The following HLCS variants were observed in gnomAD, a reference collection of about 807,000 sequenced individuals.
HLCS encodes biotin--protein ligase.
A neutral mutation model predicts 75.0 loss-of-function variants in HLCS; 53 were observed. The ratio of observed to expected loss-of-function variants is 0.71; its 90% confidence interval spans 0.57 to 0.89. The LOEUF (loss-of-function observed/expected upper bound fraction) is 0.89. HLCS is among the 40% of genes least tolerant of loss of function. The pLI, the probability that HLCS is intolerant of heterozygous loss-of-function variation, is 0.00. For synonymous variants in HLCS, 431 were observed against 428.6 expected (o/e 1.01, Z -0.07); for missense variants, 966 against 1,074.0 (o/e 0.90, Z 1.41).
At chr21:36,926,289 C>G (rs2066403224) in intron 5 of HLCS, among the ~76,000 whole-genome samples, 1 of 152,230 alleles carries the variant, frequency 6.6e-6, no homozygotes. Context: ...CTCGGAGGCC[C>G]CCACACACCA....
At chr21:36,936,311 C>G in intron 4 of HLCS, 138 bp downstream of exon 4, 2 of 808,924 alleles carry the variant, frequency 2.5e-6, no homozygotes, top group Middle Eastern at 2.2e-4. Context: ...TCAGCAAAAG[C>G]TCCCAGCCAA....
chr21:36,931,672 C>T (rs1299910466), intron 4 of HLCS, among the ~76,000 whole-genome samples: 1 of 151,862 alleles, frequency 6.6e-6, no homozygotes, highest in East Asian at 1.9e-4. Flanking sequence ...TCCCTTGAAC[C>T]CAGGAGGTTG....
chr21:36,897,241 A>G (rs2065051709), intron 5 of HLCS, 110 bp from the exon 6 acceptor site: 1 of 1,065,054 alleles, frequency 9.4e-7, no homozygotes, highest in East Asian at 2.4e-5. Context: ...CTAATTCATG[A>G]CCAAGAAAAG....
At chr21:36,895,221 C>T (rs2064965322) in intron 6 of HLCS, among the ~76,000 whole-genome samples, 1 of 152,176 alleles carries the variant, frequency 6.6e-6, no homozygotes, top group Non-Finnish European at 1.5e-5. Context: ...CTTCACCTCC[C>T]CAAATCTTTT....
intron 6 of HLCS, among the ~76,000 whole-genome samples, chr21:36,780,789 T>G (rs1231339954): frequency 6.6e-6 from 1 of 152,160 alleles, no homozygotes; most frequent in African/African-American, 2.4e-5. Context: ...GATACCTGTT[T>G]CCCTACAGCC....
intron 5 of HLCS, among the ~76,000 whole-genome samples, chr21:36,915,618 G>T (rs990893615): frequency 6.6e-6 from 1 of 152,204 alleles, no homozygotes; most frequent in Admixed American, 6.5e-5. Context: ...GGCTCAGAAG[G>T]TGCATTCGTT....
Position 36,936,692 on chromosome 21 carries a change from G to A in HLCS, c.1194C>T (p.Thr398=), listed in dbSNP as rs149877080. The A allele has an allele frequency of 2.4e-5, 38 of 1,614,216 alleles. No individual in the cohort carries two copies. In the African/African-American group the frequency reaches 3.9e-4, roughly 16 times the overall value. ...GKVLGLSSSF[T]FGGFQVTSKG... ...TGCTTGTCACCTGAAAGCCACCAAA[G>A]GTGAAGGATGAAGACAGGCCCAACA... Residue 398 remains threonine (T), a synonymous_variant, in exon 4 of 11, where the codon ACC becomes ACT. Coordinates refer to ENST00000674895, the MANE Select transcript of HLCS (RefSeq NM_001352514.2).
At chr21:36,759,232 T>C in intron 9 of HLCS, 1 of 470,798 alleles carries the variant, frequency 2.1e-6, no homozygotes, top group Non-Finnish European at 4.4e-6. Context: ...TCTGAATCCA[T>C]CTTCTTGCCT....
intron 6 of HLCS, among the ~76,000 whole-genome samples, chr21:36,875,128 G>C (rs769940149): frequency 5.9e-5 from 9 of 152,286 alleles, no homozygotes; most frequent in Middle Eastern, 3.4e-3. Flanking sequence ...ACAGGCCTGT[G>C]GGTGCCCCTC....
chr21:36,892,954 C>A (rs1368928433), intron 6 of HLCS, among the ~76,000 whole-genome samples: 1 of 152,152 alleles, frequency 6.6e-6, no homozygotes, highest in East Asian at 1.9e-4. Flanking sequence ...CCAATAGTTT[C>A]ATCAAAGTGA....
At chr21:36,785,777 T>A (rs897133206) in intron 6 of HLCS, among the ~76,000 whole-genome samples, 3 of 152,204 alleles carry the variant, frequency 2.0e-5, no homozygotes, top group African/African-American at 7.2e-5. Flanking sequence ...TCTGTGGAAA[T>A]GCTCTTAGGT....
chr21:36,765,120 C>A lies in HLCS; in HGVS notation c.2013G>T (p.Leu671=). ...LSPVGCALST[L]LISIPLRSQL... Reference sequence around the variant, plus strand: ...GGGATCTCAGTGGAATGGAGATGAGCAGAGTAGAAAGAGCACATCCCACAG... The same window carrying A: ...GGGATCTCAGTGGAATGGAGATGAGAAGAGTAGAAAGAGCACATCCCACAG... Residue 671 remains leucine, a synonymous_variant, in exon 8 of 11, where the codon CTG becomes CTT. Transcript: ENST00000674895. 6.2e-7 allele frequency: 1 copy of A among 1,614,114 alleles called. No homozygotes were observed.
At chr21:36,789,414 AT>A (rs1371326699) in intron 6 of HLCS, among the ~76,000 whole-genome samples, 2 of 152,244 alleles carry the variant, frequency 1.3e-5, no homozygotes, top group African/African-American at 4.8e-5. Flanking sequence ...AATACATTTA[AT>A]TAACTAAAAT....
intron 6 of HLCS, among the ~76,000 whole-genome samples, chr21:36,882,142 C>T (rs951951457): frequency 2.0e-5 from 3 of 151,056 alleles, no homozygotes; most frequent in Admixed American, 6.6e-5. Flanking sequence ...ATTAGCCGGG[C>T]GTGGTGGCAG....
At chr21:36,764,410 A>G (rs1020475648) in intron 8 of HLCS, among the ~76,000 whole-genome samples, 2 of 152,048 alleles carry the variant, frequency 1.3e-5, no homozygotes, top group South Asian at 2.1e-4. Context: ...AAATAAATAC[A>G]TAAGTAAACA....
At chr21:36,925,698 C>G (rs1015237041) in intron 5 of HLCS, among the ~76,000 whole-genome samples, 6 of 152,196 alleles carry the variant, frequency 3.9e-5, no homozygotes, top group Admixed American at 1.3e-4. Flanking sequence ...CCGGTCCTAA[C>G]CCGCCAGCTG....
chr21:36,964,372 A>G (rs1338238033), intron 1 of HLCS, among the ~76,000 whole-genome samples: 1 of 152,240 alleles, frequency 6.6e-6, no homozygotes, highest in African/African-American at 2.4e-5. Context: ...AGCCAACCAC[A>G]AATAAATGGT....
intron 6 of HLCS, among the ~76,000 whole-genome samples, chr21:36,865,360 C>G (rs917291216): frequency 1.3e-5 from 2 of 151,562 alleles, no homozygotes; most frequent in Non-Finnish European, 2.9e-5. Context: ...TTCCTGGGGA[C>G]CCCGAGAAAG....
intron 6 of HLCS, among the ~76,000 whole-genome samples, chr21:36,828,383 GAA>G (rs1234906414): frequency 1.4e-5 from 2 of 141,240 alleles, no homozygotes; most frequent in East Asian, 3.9e-4. Flanking sequence ...ATGAATGAAT[GAA>G]TGAATGAATG....
Sources: gnomAD v4.1 joint callset for allele counts (sites outside exome capture counted in the v4.1 genomes callset) on GRCh38, gnomAD v4.1.1 for gene constraint, MANE v1.5 for transcripts, NCBI Gene and HGNC (gene_info 2026-07-23, HGNC 2026-07-21) for gene names.